PTPN11: variants seen among roughly 807,000 people sequenced by gnomAD.
The protein encoded by PTPN11 is tyrosine-protein phosphatase non-receptor type 11.
In PTPN11, 6 loss-of-function variants were observed where a neutral mutation model predicts 78.8. That is an observed-to-expected ratio of 0.08 (90% CI 0.04 to 0.15). The LOEUF (loss-of-function observed/expected upper bound fraction) is 0.15. Ranked by LOEUF, PTPN11 falls within the 10% of genes least tolerant of loss-of-function variation. The probability of loss-of-function intolerance (pLI) is 1.00; values close to 1 mark genes in which losing one functional copy is unlikely to be tolerated. For missense variants in PTPN11, 386 were observed against 744.8 expected (o/e 0.52, Z 5.61); for synonymous variants, 221 against 263.5 (o/e 0.84, Z 1.56).
chr12:112,453,984 G>A (rs985764170), intron 4 of PTPN11, among the ~76,000 whole-genome samples: 8 of 151,842 alleles, frequency 5.3e-5, no homozygotes, highest in African/African-American at 1.9e-4. Context: ...AGTCAAGTTC[G>A]TCTATGCTTT....
chr12:112,422,417 CT>C (rs2037536621), intron 1 of PTPN11, among the ~76,000 whole-genome samples: 1 of 152,150 alleles, frequency 6.6e-6, no homozygotes, highest in South Asian at 2.1e-4. Flanking sequence ...CCTTTTCTGC[CT>C]TTGTGAAACC....
chr12:112,492,988 A>G (rs1207314488), intron 13 of PTPN11, among the ~76,000 whole-genome samples: 2 of 152,072 alleles, frequency 1.3e-5, no homozygotes, highest in Non-Finnish European at 1.5e-5. Flanking sequence ...GTACACCATG[A>G]TATTTTGATA....
chr12:112,473,384 TC>T (rs1324032305), intron 7 of PTPN11, among the ~76,000 whole-genome samples: 4 of 152,150 alleles, frequency 2.6e-5, no homozygotes, highest in African/African-American at 9.7e-5. Flanking sequence ...TCTTGACTCC[TC>T]CTCACTGGGC....
At chr12:112,427,898 G>A (rs190212875) in intron 1 of PTPN11, among the ~76,000 whole-genome samples, 144 of 152,158 alleles carry the variant, frequency 9.5e-4, no homozygotes, top group African/African-American at 3.1e-3. Flanking sequence ...CCACAGGTGC[G>A]TACAACTATG....
chr12:112,425,030 C>CATGTTGCCCAGGCTGGTCTCAAA (rs1197704583), intron 1 of PTPN11, among the ~76,000 whole-genome samples: 3 of 141,778 alleles, frequency 2.1e-5, no homozygotes, highest in Non-Finnish European at 4.5e-5. Context: ...GGGGTTTTGC[C>CATGTTGCCCAGGCTGGTCTCAAA]ATGTTGCCCA....
intron 1 of PTPN11, among the ~76,000 whole-genome samples, chr12:112,445,937 G>A (rs1397921657): frequency 6.6e-6 from 1 of 152,126 alleles, no homozygotes; most frequent in Admixed American, 6.5e-5. Context: ...ACCGTGCCCT[G>A]CCTCTAGTTT....
chr12:112,450,412 G>A lies in PTPN11; in HGVS notation c.232G>A (p.Val78Ile). The change falls in exon 3 of 16, where the codon GTC (valine) becomes ATC (isoleucine). Residue 78 changes from valine to isoleucine, a missense_variant. Around this residue, in one of 3 missense-constraint regions of PTPN11, gnomAD observed 279 missense variants for 503.3 expected, o/e 0.55. Coordinates refer to ENST00000351677, the MANE Select transcript of PTPN11 (RefSeq NM_002834.5). ...GEKFATLAELVQYYMEHHGQL... is the reference protein window; with the variant it reads ...GEKFATLAELIQYYMEHHGQL... ...GAAATTTGCCACTTTGGCTGAGTTG[G>A]TCCAGTATTACATGGAACATCACGG... 6.2e-7 allele frequency: 1 copy of A among 1,613,608 alleles called. No homozygotes were observed. Among genetic ancestry groups the A allele is most frequent in the South Asian group, 1.1e-5 (1 of 91,080 alleles).
chr12:112,486,714 C>T (rs1294835346), intron 11 of PTPN11, 85 bp downstream of exon 11: 30 of 1,566,396 alleles, frequency 1.9e-5, no homozygotes, highest in Non-Finnish European at 2.6e-5. Flanking sequence ...CCACTCCTAG[C>T]TCTTTAACTG....
intron 1 of PTPN11, among the ~76,000 whole-genome samples, chr12:112,445,055 G>A (rs7977554): frequency 0.042 from 6,395 of 151,140 alleles, 272 homozygotes; most frequent in African/African-American, 0.11. Context: ...GTGTGTGTGT[G>A]TATATATATA....
rs934388335 is a variant in PTPN11 at position 112,446,364 on chromosome 12, A to G, written c.103A>G (p.Lys35Glu). 3 of 1,614,166 alleles carry G rather than the reference A, an allele frequency of 1.9e-6. No individual in the cohort carries two copies. The highest frequency in any genetic ancestry group is 2.2e-5 in the East Asian group (1 of 44,882). ...TGGCAGTTTTTTGGCAAGGCCTAGTAAAAGTAACCCTGGAGACTTCACACT... is the reference window on the plus strand; with the variant it reads ...TGGCAGTTTTTTGGCAAGGCCTAGTGAAAGTAACCCTGGAGACTTCACACT... Reference protein sequence around the residue: ...VDGSFLARPSKSNPGDFTLSV... With the variant: ...VDGSFLARPSESNPGDFTLSV... Residue 35 changes from lysine (K) to glutamate (E), a missense_variant, in exon 2 of 16, where the codon AAA (lysine) becomes GAA (glutamate). Physicochemically the swap from Lys to Glu is moderately conservative, Grantham distance 56. Transcript: ENST00000351677.
intron 13 of PTPN11, among the ~76,000 whole-genome samples, chr12:112,489,975 T>C (rs2038725830): frequency 6.6e-6 from 1 of 152,184 alleles, no homozygotes; most frequent in South Asian, 2.1e-4. Context: ...CAAAGTTTGG[T>C]TGGCCAAAGG....
intron 1 of PTPN11, among the ~76,000 whole-genome samples, chr12:112,433,252 A>G (rs1222861599): frequency 6.6e-6 from 1 of 152,238 alleles, no homozygotes; most frequent in Non-Finnish European, 1.5e-5. Context: ...CCATTGTGTT[A>G]CAGTTACTTA....
At chr12:112,425,771 C>T (rs1055357744) in intron 1 of PTPN11, among the ~76,000 whole-genome samples, 3 of 152,158 alleles carry the variant, frequency 2.0e-5, no homozygotes, top group Non-Finnish European at 4.4e-5. Flanking sequence ...CTCTGTCACC[C>T]AGGCTGGAGG....
intron 1 of PTPN11, among the ~76,000 whole-genome samples, chr12:112,432,836 G>A (rs1416683406): frequency 6.6e-6 from 1 of 151,926 alleles, no homozygotes; most frequent in Non-Finnish European, 1.5e-5. Context: ...TTATGGTGGA[G>A]CTGTCCTGTA....
At chr12:112,430,181 C>T (rs1039072381) in intron 1 of PTPN11, among the ~76,000 whole-genome samples, 7 of 151,810 alleles carry the variant, frequency 4.6e-5, no homozygotes, top group Non-Finnish European at 1.0e-4. Flanking sequence ...CCACCACACT[C>T]GGCTATTTTT....
chr12:112,440,544 G>A (rs545743585), intron 1 of PTPN11, among the ~76,000 whole-genome samples: 37 of 144,664 alleles, frequency 2.6e-4, no homozygotes, highest in African/African-American at 9.0e-4. Context: ...GATTACAGGC[G>A]TGAGCCACTG....
At chr12:112,423,740 CTTTTTTT>C (rs1238357055) in intron 1 of PTPN11, among the ~76,000 whole-genome samples, 2 of 110,692 alleles carry the variant, frequency 1.8e-5, no homozygotes, top group Non-Finnish European at 3.7e-5. Flanking sequence ...CATACAATGT[CTTTTTTT>C]TTTTTTTTTT....
intron 3 of PTPN11, among the ~76,000 whole-genome samples, chr12:112,451,319 T>G (rs544858794): frequency 1.3e-5 from 2 of 152,350 alleles, no homozygotes; most frequent in African/African-American, 4.8e-5. Flanking sequence ...TTTCTAAATT[T>G]TACTGTTTTC....
rs1159397766 is a variant in PTPN11, at chr12:112,449,122, GGTGATCCTCCCACCT to G, written c.138-1195_138-1181del. 4.5e-4 allele frequency among the ~76,000 whole-genome samples: 68 copies of G among 151,424 alleles called. 1 individual carries two copies. The South Asian group carries it at 0.013, about 30-fold the overall frequency. ...GGCTGGTATCGGTCTGCTGACCTCA[GGTGATCCTCCCACCT>G]CAGCCTCCCAAAGTGCTGGGATTAC... On this transcript the variant is annotated intron_variant, in intron 2 of 15. Transcript: ENST00000351677.
Sources: gnomAD v4.1 joint callset for allele counts (sites outside exome capture counted in the v4.1 genomes callset) on GRCh38, gnomAD v4.1.1 for gene constraint, gnomAD v4.1.1 regional missense constraint, MANE v1.5 for transcripts, NCBI Gene and HGNC (gene_info 2026-07-23, HGNC 2026-07-21) for gene names.